Variants in DLG2 observed in about 807,000 individuals in gnomAD.
DLG2 encodes discs large MAGUK scaffold protein 2, also known as disks large homolog 2.
Under a neutral mutation model 132.5 loss-of-function variants are expected in DLG2, and 45 were observed. The ratio of observed to expected loss-of-function variants is 0.34; its 90% CI spans 0.27 to 0.44. The LOEUF (loss-of-function observed/expected upper bound fraction) is 0.44, where lower values mean the gene tolerates loss of function less well. DLG2 is among the 20% of genes least tolerant of loss of function. DLG2 has a pLI of 1.00. For missense variants in DLG2, 1,045 were observed against 1,196.9 expected, an observed-to-expected ratio of 0.87 and a Z score of 1.87; for synonymous variants, 424 against 419.6, an observed-to-expected ratio of 1.01 and a Z score of -0.13.
intron 6 of DLG2, among the ~76,000 whole-genome samples, chr11:84,933,567 G>C (rs1458640333): frequency 6.6e-6 from 1 of 152,086 alleles, no homozygotes; most frequent in Non-Finnish European, 1.5e-5. Context: ...TCCTTCTACA[G>C]ATCTTTCACC....
At chr11:84,701,395 T>C (rs1020561434) in intron 6 of DLG2, among the ~76,000 whole-genome samples, 3 of 151,642 alleles carry the variant, frequency 2.0e-5, no homozygotes, top group Non-Finnish European at 4.4e-5. Context: ...TCTGCCTTTC[T>C]TCATTCAAGT....
intron 6 of DLG2, among the ~76,000 whole-genome samples, chr11:84,794,443 C>T (rs768951883): frequency 3.3e-5 from 5 of 152,166 alleles, no homozygotes; most frequent in South Asian, 2.1e-4. Flanking sequence ...CAACTCCTTC[C>T]GAGTTGGCAG....
chr11:84,449,607 A>G (rs1286269477), intron 7 of DLG2, among the ~76,000 whole-genome samples: 1 of 151,764 alleles, frequency 6.6e-6, no homozygotes, highest in Non-Finnish European at 1.5e-5. Context: ...TGCACAAAGT[A>G]TTTTGTCCAC....
chr11:84,409,245 A>C lies in DLG2; in HGVS notation c.519+125325T>G, dbSNP rs144565464. On this transcript the variant is annotated intron_variant, in intron 7 of 27. Coordinates refer to ENST00000376104, the MANE Select transcript of DLG2 (RefSeq NM_001142699.3). ...ATGATTAACAGACCAGCCATTTAGC[A>C]ATTAGGATGAATCACATGCACTTCA... Among the ~76,000 whole-genome samples, 1,366 of 152,238 alleles carry C rather than the reference A, an allele frequency of 9.0e-3. 73 individuals carry two copies. The highest frequency in any genetic ancestry group is 1.6e-3 in the Non-Finnish European group (106 of 68,014).
chr11:85,257,729 A>G (rs1355077925), intron 4 of DLG2, among the ~76,000 whole-genome samples: 6 of 152,210 alleles, frequency 3.9e-5, no homozygotes, highest in African/African-American at 1.4e-4. Flanking sequence ...TATGTAATAC[A>G]ATGAATCTTT....
At chr11:83,880,662 G>C (rs887408173) in intron 15 of DLG2, among the ~76,000 whole-genome samples, 6 of 152,172 alleles carry the variant, frequency 3.9e-5, no homozygotes, top group Non-Finnish European at 8.8e-5. Context: ...TGACTGAAAG[G>C]ACCACGGCTC....
At chr11:85,325,236 G>C (rs1409553376) in intron 3 of DLG2, among the ~76,000 whole-genome samples, 1 of 152,082 alleles carries the variant, frequency 6.6e-6, no homozygotes, top group African/African-American at 2.4e-5. Context: ...GGTAAACAAA[G>C]CAGCTGGGAA....
intron 22 of DLG2, among the ~76,000 whole-genome samples, chr11:83,474,843 T>C (rs2092456155): frequency 6.6e-6 from 1 of 152,174 alleles, no homozygotes; most frequent in South Asian, 2.1e-4. Flanking sequence ...CTCTTCCCAA[T>C]GGCTTTGCAA....
In DLG2 at chr11:85,314,023, A is replaced by C. The variant is rs185981287; in HGVS notation, c.41-28658T>G. On this transcript the variant is annotated intron_variant, in intron 3 of 27. Coordinates refer to ENST00000376104, the MANE Select transcript of DLG2 (RefSeq NM_001142699.3). ...AAGGAAGAGCTTTACAGAAAGCTTA[A>C]GCAATGGCCCCAAAATGAAACAAAA... is the stretch of plus-strand genomic sequence containing the variant. 1.5e-3 allele frequency among the ~76,000 whole-genome samples: 231 copies of C among 152,148 alleles called. 3 individuals are homozygous for C. Among genetic ancestry groups the C allele is most frequent in the African/African-American group, 5.0e-3 (209 of 41,564 alleles).
chr11:84,707,633 A>T (rs1358634727), intron 6 of DLG2, among the ~76,000 whole-genome samples: 5 of 151,822 alleles, frequency 3.3e-5, no homozygotes, highest in African/African-American at 1.2e-4. Flanking sequence ...CAGAGGAAAG[A>T]AGAGACCAAT....
Position 85,154,620 on chromosome 11 carries a change from G to C in DLG2, c.218C>G (p.Ala73Gly), listed in dbSNP as rs766769180. 20 of 1,535,210 alleles carry C rather than the reference G, an allele frequency of 1.3e-5. No individual in the cohort carries two copies. The East Asian group carries it at 1.5e-4, about 11-fold the overall frequency. The change falls in exon 5 of 28, where the codon GCT becomes GGT. Residue 73 changes from alanine to glycine, a missense_variant. Physicochemically the swap from Ala to Gly is moderately conservative, Grantham distance 60 (BLOSUM62 0). This residue lies in a region of DLG2 where 277 missense variants were observed against 238.2 expected (regional missense o/e 1.16). Transcript: ENST00000376104. ...LTDCSGSKEN[A>G]SCIEQNKENQ... The stretch of plus-strand genomic sequence containing the variant: ...TTCTTTATTTTGCTCAATACATGAA[G>C]CATTTTCCTTTGATCCACTGCAATC...
intron 5 of DLG2, among the ~76,000 whole-genome samples, chr11:85,133,915 T>A (rs2075939266): frequency 6.6e-6 from 1 of 152,140 alleles, no homozygotes; most frequent in African/African-American, 2.4e-5. Flanking sequence ...TCACTCTGGA[T>A]AATAATATAC....
chr11:83,660,775 G>A (rs1436792452), intron 18 of DLG2, among the ~76,000 whole-genome samples: 2 of 152,066 alleles, frequency 1.3e-5, no homozygotes, highest in African/African-American at 4.8e-5. Flanking sequence ...AAAAAGTGAT[G>A]GAAAGATAAA....
chr11:85,482,382 G>A (rs921441034), intron 3 of DLG2, among the ~76,000 whole-genome samples: 2 of 152,100 alleles, frequency 1.3e-5, no homozygotes, highest in Non-Finnish European at 2.9e-5. Context: ...CCAGTGCAAG[G>A]CCAGTCCCCA....
chr11:84,109,581 C>T (rs1254361635), intron 9 of DLG2, among the ~76,000 whole-genome samples: 2 of 152,190 alleles, frequency 1.3e-5, no homozygotes, highest in Non-Finnish European at 2.9e-5. Context: ...TAAGTAACAT[C>T]AGTCTTCTGT....
intron 7 of DLG2, among the ~76,000 whole-genome samples, chr11:84,329,247 A>T (rs1462335316): frequency 1.3e-5 from 2 of 152,194 alleles, no homozygotes; most frequent in African/African-American, 4.8e-5. Flanking sequence ...CTCAGTAAAT[A>T]CTTGAATTGA....
chr11:83,588,189 A>T (rs1005031809), intron 19 of DLG2, among the ~76,000 whole-genome samples: 5 of 151,900 alleles, frequency 3.3e-5, no homozygotes, highest in African/African-American at 1.2e-4. Flanking sequence ...CAGGGCACAG[A>T]CAAACAAAAA....
chr11:84,053,247 C>G (rs2096434020), intron 11 of DLG2, among the ~76,000 whole-genome samples: 4 of 151,918 alleles, frequency 2.6e-5, no homozygotes. Context: ...GGAAACAACA[C>G]ACACTGGGGC....
At chr11:85,150,058 C>T (rs922388959) in intron 5 of DLG2, among the ~76,000 whole-genome samples, 4 of 120,570 alleles carry the variant, frequency 3.3e-5, no homozygotes, top group South Asian at 2.6e-4. Flanking sequence ...CTCACTCAGT[C>T]GCCCAGGCTG....
Sources: gnomAD v4.1 joint callset for allele counts (sites outside exome capture counted in the v4.1 genomes callset) on GRCh38, gnomAD v4.1.1 for gene constraint, gnomAD v4.1.1 regional missense constraint, MANE v1.5 for transcripts, NCBI Gene and HGNC (gene_info 2026-07-23, HGNC 2026-07-21) for gene names.